ZDHHC23: variants seen among roughly 807,000 people sequenced by gnomAD.
ZDHHC23 encodes the protein palmitoyltransferase ZDHHC23.
Under a neutral mutation model 40.2 loss-of-function variants are expected in ZDHHC23, and 41 were observed. That is an observed-to-expected ratio of 1.02 (90% CI 0.79 to 1.32). ZDHHC23 has a LOEUF of 1.32. Among genes scored for constraint, ZDHHC23 ranks in the 40% most tolerant of loss-of-function variants. ZDHHC23 has a pLI of 0.00. For synonymous variants in ZDHHC23, 204 were observed against 210.2 expected, an observed-to-expected ratio of 0.97 and a Z score of 0.26; for missense variants, 471 against 541.5, an observed-to-expected ratio of 0.87 and a Z score of 1.29.
At chr3:113,976,588 TAGGC>T in the ZDHHC23 span, among the ~76,000 whole-genome samples, 1 of 148,688 alleles carries the variant, frequency 6.7e-6, no homozygotes, top group African/African-American at 2.5e-5. Context: ...AAAGAAAACA[TAGGC>T]AGGCAAAAAG....
chr3:113,953,589 G>A, intron 2 of ZDHHC23, 111 bp from the exon 3 acceptor site: 1 of 905,758 alleles, frequency 1.1e-6, no homozygotes, highest in Non-Finnish European at 1.6e-6. Flanking sequence ...TAAAATGCTT[G>A]GTCTTTGGTA....
At chr3:113,953,415 A>T (rs1216795842) in intron 2 of ZDHHC23, among the ~76,000 whole-genome samples, 2 of 152,224 alleles carry the variant, frequency 1.3e-5, no homozygotes, top group Non-Finnish European at 2.9e-5. Context: ...TGAGATTCTT[A>T]TGACCGTACA....
At chr3:113,964,522 TAG>T (rs1385893694), downstream of ZDHHC23, 14 of 152,354 alleles carry the variant, frequency 9.2e-5, no homozygotes, top group African/African-American at 3.1e-4. Context: ...ACTGTCATGA[TAG>T]AGCTATTACC....
At chr3:113,958,237 C>T (rs935574118) in intron 4 of ZDHHC23, 126 bp from the exon 5 acceptor site, 38 of 783,610 alleles carry the variant, frequency 4.8e-5, no homozygotes, top group African/African-American at 2.8e-4. Context: ...TCTTCCAGTT[C>T]GGAGGGTTGG....
chr3:113,954,673 C>G (rs987348022), intron 3 of ZDHHC23, among the ~76,000 whole-genome samples: 1 of 151,804 alleles, frequency 6.6e-6, no homozygotes, highest in Non-Finnish European at 1.5e-5. Context: ...AATGACTCCT[C>G]ATTTATCTTT....
chr3:113,960,674 G>C lies in ZDHHC23; in HGVS notation c.*2044G>C, dbSNP rs189844672. 149 of 1,606,650 alleles carry C rather than the reference G, an allele frequency of 9.3e-5. No homozygotes were observed. Among genetic ancestry groups the C allele is most frequent in the Non-Finnish European group, 1.1e-4 (134 of 1,177,312 alleles). ...ACAAAGAGACCAAAATAATTTGGGA[G>C]AATTAGGAATGATGACAATTTTTTT... is the stretch of plus-strand genomic sequence containing the variant. On this transcript the variant is annotated 3_prime_UTR_variant, in exon 5 of 5. Coordinates refer to ENST00000638807, the MANE Select transcript of ZDHHC23 (RefSeq NM_001320466.2).
At chr3:113,979,106 A>G in the ZDHHC23 span, 1 of 1,137,482 alleles carries the variant, frequency 8.8e-7, no homozygotes, top group Non-Finnish European at 1.3e-6. Flanking sequence ...AAACACATTT[A>G]GGCAGTCGGT....
rs368956826 is a variant in ZDHHC23, at chr3:113,955,389, T to TGTGTGC, written c.873-947_873-946insTGCGTG. Among the ~76,000 whole-genome samples, 76 of 140,256 alleles carry TGTGTGC rather than the reference T, an allele frequency of 5.4e-4. 1 individual carries two copies. Among genetic ancestry groups the TGTGTGC allele is most frequent in the African/African-American group, 1.9e-3 (70 of 37,694 alleles). The allele number at this position is 140,256 out of a possible 152,430, so 92.0% of individuals were successfully genotyped here. A position where few individuals can be genotyped will look rare whatever the true frequency, so the allele number is the denominator to read the frequency against. On this transcript the variant is annotated intron_variant, in intron 3 of 4. Coordinates refer to ENST00000638807, the MANE Select transcript of ZDHHC23 (RefSeq NM_001320466.2). ...GTGTGTGTGTGTGTGTGTGTGTGTG[T>TGTGTGC]GTGCGTGTGTGTTCCATTTACAAAT...
chr3:113,977,908 G>T, the ZDHHC23 span, among the ~76,000 whole-genome samples: 1 of 152,236 alleles, frequency 6.6e-6, no homozygotes, highest in East Asian at 1.9e-4. Context: ...TTGCTTAGGT[G>T]TGTTTCATAT....
At chr3:113,978,739 G>T in the ZDHHC23 span, 1 of 1,028,102 alleles carries the variant, frequency 9.7e-7, no homozygotes, top group Non-Finnish European at 1.4e-6. Flanking sequence ...GAATGGGATT[G>T]ACTACTCTTT....
the ZDHHC23 span, chr3:113,978,815 G>C: frequency 1.1e-5 from 17 of 1,578,114 alleles, no homozygotes; most frequent in Non-Finnish European, 1.5e-5. Context: ...AAATAGAATT[G>C]AGCAATGAGA....
chr3:113,960,223 C>T lies in ZDHHC23; in HGVS notation c.*1593C>T. The T allele has an allele frequency of 5.0e-6, 5 of 996,038 alleles. No individual in the cohort carries two copies. Among genetic ancestry groups the T allele is most frequent in the Non-Finnish European group, 6.0e-6 (5 of 836,610 alleles). 61.7% of individuals were successfully genotyped at this position (996,038 alleles called of 1,614,324 possible). A position where few individuals can be genotyped will look rare whatever the true frequency, so the allele number is the denominator to read the frequency against. On this transcript the variant is annotated 3_prime_UTR_variant, in exon 5 of 5. Transcript: ENST00000638807. ...CAGCCAGCACCGTCCCTACTGTTGC[C>T]ATTAATTGGAGCTGTCCTTAAGATG...
At chr3:113,971,035 T>C in the ZDHHC23 span, among the ~76,000 whole-genome samples, 1 of 152,188 alleles carries the variant, frequency 6.6e-6, no homozygotes, top group Non-Finnish European at 1.5e-5. Flanking sequence ...CATGTGTGCA[T>C]GTGTCTTTAT....
chr3:113,950,935 G>C (rs1420231454), intron 2 of ZDHHC23, among the ~76,000 whole-genome samples: 1 of 152,226 alleles, frequency 6.6e-6, no homozygotes, highest in Non-Finnish European at 1.5e-5. Flanking sequence ...TCCTAACCCA[G>C]TGGGGCAAAC....
At chr3:113,967,839 C>T (rs1480040323), downstream of ZDHHC23, among the ~76,000 whole-genome samples, 1 of 152,188 alleles carries the variant, frequency 6.6e-6, no homozygotes, top group Non-Finnish European at 1.5e-5. Flanking sequence ...TATTCTCTAT[C>T]TTCATGAGAT....
At chr3:113,974,159 T>C in the ZDHHC23 span, among the ~76,000 whole-genome samples, 2 of 152,046 alleles carry the variant, frequency 1.3e-5, no homozygotes, top group Non-Finnish European at 2.9e-5. Context: ...ATCTGAAAAA[T>C]TTCTGAATTG....
the ZDHHC23 span, among the ~76,000 whole-genome samples, chr3:113,975,045 C>G: frequency 6.6e-6 from 1 of 152,132 alleles, no homozygotes; most frequent in Admixed American, 6.5e-5. Context: ...GTCCCATAAA[C>G]TCCTTGACAT....
In ZDHHC23 at chr3:113,960,889, A is replaced by G; in HGVS notation, c.*2259A>G. The G allele has an allele frequency of 8.2e-7, 1 of 1,218,488 alleles. No homozygotes were observed. The highest frequency in any genetic ancestry group is 1.8e-5 in the South Asian group (1 of 56,986). 75.5% of individuals were successfully genotyped at this position (1,218,488 alleles called of 1,614,324 possible). A position where few individuals can be genotyped will look rare whatever the true frequency, so the allele number is the denominator to read the frequency against. The stretch of plus-strand genomic sequence containing the variant: ...AAAAGATGAGTGATCTTGTGTGGGA[A>G]AAGCCTTCCCAGGCGTCTGTACCGA... On this transcript the variant is annotated 3_prime_UTR_variant, in exon 5 of 5. Coordinates refer to ENST00000638807, the MANE Select transcript of ZDHHC23 (RefSeq NM_001320466.2).
At chr3:113,958,257 C>T (rs1939422244) in intron 4 of ZDHHC23, 106 bp from the exon 5 acceptor site, 6 of 1,059,836 alleles carry the variant, frequency 5.7e-6, no homozygotes, top group Non-Finnish European at 8.3e-6. Flanking sequence ...GGGAAGATGC[C>T]AAAGTCTTTA....
Sources: allele counts gnomAD v4.1 joint callset (sites outside exome capture counted in the v4.1 genomes callset), GRCh38; gene constraint gnomAD v4.1.1; transcripts MANE v1.5; gene names NCBI Gene and HGNC (gene_info 2026-07-23, HGNC 2026-07-21).